NEXMIF: variants seen among roughly 807,000 people sequenced by gnomAD.
NEXMIF encodes the protein XLMR protein related to neurite extension.
A neutral mutation model predicts 62.1 loss-of-function variants in NEXMIF; 8 were observed. That is an observed-to-expected ratio of 0.13 (90% CI 0.08 to 0.23). NEXMIF has a LOEUF of 0.23. NEXMIF is among the 10% of genes least tolerant of loss of function. The pLI, the probability that NEXMIF is intolerant of heterozygous loss-of-function variation, is 1.00. For missense variants in NEXMIF, 976 were observed against 1,113.3 expected (o/e 0.88, Z 1.75); for synonymous variants, 404 against 416.6 (o/e 0.97, Z 0.37).
At chrX:74,884,979 A>G (rs1178505334) in intron 1 of NEXMIF, among the ~76,000 whole-genome samples, 1 of 111,276 alleles carries the variant, frequency 9.0e-6, no homozygotes, top group East Asian at 2.8e-4. Flanking sequence ...ACTAGAACTC[A>G]GGATTAAGAA....
At chrX:74,850,962 C>CA (rs771595418) in intron 1 of NEXMIF, among the ~76,000 whole-genome samples, 3 of 108,467 alleles carry the variant, frequency 2.8e-5, no homozygotes, top group East Asian at 2.9e-4. Flanking sequence ...ATAAACAGCA[C>CA]AAAAAAATCA....
chrX:74,850,908 A>G (rs1425177932), intron 1 of NEXMIF, among the ~76,000 whole-genome samples: 1 of 110,984 alleles, frequency 9.0e-6, no homozygotes, highest in Non-Finnish European at 1.9e-5. Context: ...AAAATTATTA[A>G]AAGTGTTGAT....
rs1369903493 is a variant in NEXMIF at position 74,739,515 on chromosome X, C to G, written c.4458-17G>C. The G allele has an allele frequency of 6.6e-6, 7 of 1,067,849 alleles. No homozygotes were observed. In the South Asian group the frequency reaches 1.4e-4, roughly 21 times the overall value. 88.0% of individuals were successfully genotyped at this position (1,067,849 alleles called of 1,213,427 possible). ...TCGGAATCCCTGCAGAAAAATCAAA[C>G]AATTTATGCCATCTGAGTTAGTTTT... is the stretch of plus-strand genomic sequence containing the variant. On this transcript the variant is annotated splice_polypyrimidine_tract_variant and intron_variant, in intron 3 of 3. Coordinates refer to ENST00000055682, the MANE Select transcript of NEXMIF (RefSeq NM_001008537.3).
chrX:74,861,208 C>T (rs148165840), intron 1 of NEXMIF, among the ~76,000 whole-genome samples: 1,635 of 111,498 alleles, frequency 0.015, 17 homozygotes, highest in Non-Finnish European at 0.023. Flanking sequence ...CCACAAGTAT[C>T]AGTAACTGAA....
intron 1 of NEXMIF, among the ~76,000 whole-genome samples, chrX:74,878,267 C>T (rs1047384788): frequency 9.0e-6 from 1 of 111,718 alleles, no homozygotes; most frequent in Non-Finnish European, 1.9e-5. Flanking sequence ...ATGAGTCTGC[C>T]CCTGCTCGGG....
intron 1 of NEXMIF, among the ~76,000 whole-genome samples, chrX:74,874,789 C>T (rs1172506193): frequency 1.1e-5 from 1 of 94,179 alleles, no homozygotes; most frequent in Non-Finnish European, 2.1e-5. Context: ...ATTTGGCTCT[C>T]TGTTTGTCTG....
chrX:74,735,469 C>T lies in NEXMIF; in HGVS notation c.*3936G>A, dbSNP rs1193943407. On this transcript the variant is annotated 3_prime_UTR_variant, in exon 4 of 4. Transcript: ENST00000055682. The stretch of plus-strand genomic sequence containing the variant: ...TGAAACCTACTAAAACAGAAATTCA[C>T]TAGAACTGCAAAACCTCACATAGGA... 8.9e-6 allele frequency: 1 copy of T among 111,860 alleles called. No homozygotes were observed. The highest frequency in any genetic ancestry group is 1.9e-5 in the Non-Finnish European group (1 of 53,180). 9.2% of individuals were successfully genotyped at this position (111,860 alleles called of 1,213,427 possible).
Position 74,838,585 on chromosome X carries a change from CA to C in NEXMIF, c.-48+86297del, listed in dbSNP as rs2080464386. ...CTTTTCCTTGAATGAGTGCTATTAA[CA>C]ACATATGGTAACAATACAGGGATGT... On this transcript the variant is annotated intron_variant, in intron 1 of 3. Coordinates refer to ENST00000055682, the MANE Select transcript of NEXMIF (RefSeq NM_001008537.3). Among the ~76,000 whole-genome samples, 20 of 112,436 alleles carry C rather than the reference CA, an allele frequency of 1.8e-4. No individual in the cohort carries two copies. The South Asian group carries it at 6.9e-3, about 39-fold the overall frequency.
At chrX:74,877,882 A>G (rs1399319773) in intron 1 of NEXMIF, among the ~76,000 whole-genome samples, 1 of 111,510 alleles carries the variant, frequency 9.0e-6, no homozygotes, top group African/African-American at 3.3e-5. Context: ...TATTCTAATT[A>G]TACATTCTTC....
rs1330550193 is a variant in NEXMIF at position 74,738,106 on chromosome X, G to T, written c.*1299C>A. 9.0e-6 allele frequency: 1 copy of T among 111,059 alleles called. No individual in the cohort carries two copies. The highest frequency in any genetic ancestry group is 1.9e-5 in the Non-Finnish European group (1 of 52,965). The allele number at this position is 111,059 out of a possible 1,213,427, so 9.2% of individuals were successfully genotyped here. A position where few individuals can be genotyped will look rare whatever the true frequency, so the allele number is the denominator to read the frequency against. On this transcript the variant is annotated 3_prime_UTR_variant, in exon 4 of 4. Coordinates refer to ENST00000055682, the MANE Select transcript of NEXMIF (RefSeq NM_001008537.3). Reference sequence around the variant, plus strand: ...AGAAAAAGTAGTAGTGAGGAATGTTGGGGCTGTGAAATTTTTTTTAAAAAG... The same window carrying T: ...AGAAAAAGTAGTAGTGAGGAATGTTTGGGCTGTGAAATTTTTTTTAAAAAG...
At chrX:74,807,213 T>C (rs190971962) in intron 1 of NEXMIF, among the ~76,000 whole-genome samples, 226 of 112,410 alleles carry the variant, frequency 2.0e-3, no homozygotes, top group African/African-American at 7.1e-3. Context: ...CCTTTGATTT[T>C]TTTCATCAGA....
At chrX:74,780,311 T>C (rs1433165172) in intron 1 of NEXMIF, among the ~76,000 whole-genome samples, 1 of 111,005 alleles carries the variant, frequency 9.0e-6, no homozygotes, top group Non-Finnish European at 1.9e-5. Flanking sequence ...GCATGGTTCA[T>C]GGATGTAATA....
intron 1 of NEXMIF, among the ~76,000 whole-genome samples, chrX:74,906,128 C>T (rs1279804426): frequency 9.2e-6 from 1 of 109,178 alleles, no homozygotes; most frequent in Non-Finnish European, 1.9e-5. Context: ...TTTAAATTAG[C>T]CAGGCATGGT....
intron 1 of NEXMIF, among the ~76,000 whole-genome samples, chrX:74,910,720 G>A (rs1010594950): frequency 5.4e-5 from 6 of 111,793 alleles, no homozygotes; most frequent in African/African-American, 2.0e-4. Context: ...ATTCCCTCAT[G>A]CTGTGGGAGG....
At chrX:74,881,557 G>A (rs112042063) in intron 1 of NEXMIF, among the ~76,000 whole-genome samples, 161 of 81,691 alleles carry the variant, frequency 2.0e-3, no homozygotes, top group African/African-American at 9.6e-3. Flanking sequence ...TTTTGTATGT[G>A]TGGTGTAGGG....
chrX:74,779,308 C>G (rs1339292339), intron 1 of NEXMIF, among the ~76,000 whole-genome samples: 3 of 111,576 alleles, frequency 2.7e-5, no homozygotes, highest in Non-Finnish European at 3.8e-5. Context: ...TTCAATCATC[C>G]TCTTCCATGA....
At chrX:74,879,034 T>C (rs2080651658) in intron 1 of NEXMIF, among the ~76,000 whole-genome samples, 1 of 112,188 alleles carries the variant, frequency 8.9e-6, no homozygotes, top group Non-Finnish European at 1.9e-5. Context: ...TTTTATCTTT[T>C]TATATATGTT....
In NEXMIF at chrX:74,738,351, A is replaced by G. The variant is rs1171309199; in HGVS notation, c.*1054T>C. 9.0e-6 allele frequency: 1 copy of G among 111,630 alleles called. No individual in the cohort carries two copies. The highest frequency in any genetic ancestry group is 1.9e-5 in the Non-Finnish European group (1 of 53,080). 9.2% of individuals were successfully genotyped at this position (111,630 alleles called of 1,213,427 possible). ...TGGGATGCCTTAACATTTTCTTTAA[A>G]TGACATTGGCATTGCAAGATTAAAC... On this transcript the variant is annotated 3_prime_UTR_variant, in exon 4 of 4. Coordinates refer to ENST00000055682, the MANE Select transcript of NEXMIF (RefSeq NM_001008537.3).
intron 1 of NEXMIF, among the ~76,000 whole-genome samples, chrX:74,808,532 T>C (rs2080351610): frequency 8.9e-6 from 1 of 112,343 alleles, no homozygotes; most frequent in Non-Finnish European, 1.9e-5. Flanking sequence ...AGTTTTCCTT[T>C]CTTGTAATGT....
Sources: gnomAD v4.1 joint callset for allele counts (sites outside exome capture counted in the v4.1 genomes callset) on GRCh38, gnomAD v4.1.1 for gene constraint, MANE v1.5 for transcripts, NCBI Gene and HGNC (gene_info 2026-07-23, HGNC 2026-07-21) for gene names.